VIT: variants seen among roughly 807,000 people sequenced by gnomAD.
VIT encodes vitrin.
A neutral mutation model predicts 78.0 loss-of-function variants in VIT; 99 were observed. That is an observed-to-expected ratio of 1.27 (90% CI 1.08 to 1.50). The LOEUF (loss-of-function observed/expected upper bound fraction) is 1.50, where lower values mean the gene tolerates loss of function less well. Ranked by LOEUF, VIT falls within the 40% of genes most tolerant of loss-of-function variation. The probability of loss-of-function intolerance (pLI) is 0.00; values close to 1 mark genes in which losing one functional copy is unlikely to be tolerated. For synonymous variants in VIT, 374 were observed against 334.3 expected (o/e 1.12, Z -1.29); for missense variants, 1,126 against 875.3 (o/e 1.29, Z -3.61).
chr2:36,735,028 G>C (rs1208190289), intron 3 of VIT, among the ~76,000 whole-genome samples: 2 of 152,126 alleles, frequency 1.3e-5, no homozygotes, highest in South Asian at 2.1e-4. Context: ...GCCGGGCGTG[G>C]TGGCAGGCAC....
At chr2:36,721,126 G>T (rs973877071) in intron 2 of VIT, among the ~76,000 whole-genome samples, 1 of 152,078 alleles carries the variant, frequency 6.6e-6, no homozygotes, top group Admixed American at 6.5e-5. Context: ...AATTTGCTAA[G>T]AGAGTAGAGT....
intron 9 of VIT, among the ~76,000 whole-genome samples, chr2:36,775,905 A>G (rs971157235): frequency 6.6e-6 from 1 of 152,210 alleles, no homozygotes; most frequent in Admixed American, 6.5e-5. Flanking sequence ...GCAGGTAAGA[A>G]CATTTGGAGT....
chr2:36,758,944 C>G, intron 5 of VIT, 25 bp from the exon 6 acceptor site: 1 of 1,539,150 alleles, frequency 6.5e-7, no homozygotes, highest in Non-Finnish European at 9.0e-7. Flanking sequence ...AAATAAATCT[C>G]GTTTTTTTTT....
At chr2:36,774,280 G>C (rs1471691302) in intron 8 of VIT, among the ~76,000 whole-genome samples, 1 of 151,962 alleles carries the variant, frequency 6.6e-6, no homozygotes, top group African/African-American at 2.4e-5. Flanking sequence ...CTCTCTCCCC[G>C]GGAGTTCACC....
chr2:36,756,548 G>A lies in VIT; in HGVS notation c.409+1494G>A, dbSNP rs553613371. On this transcript the variant is annotated intron_variant, in intron 5 of 15. Coordinates refer to ENST00000379242, the MANE Select transcript of VIT (RefSeq NM_053276.4). Reference sequence around the variant, plus strand: ...CTACCGTCCTCCACTGATTAGAGTCGTTAGCAGGACAACAAACAGACCTTT... The same window carrying A: ...CTACCGTCCTCCACTGATTAGAGTCATTAGCAGGACAACAAACAGACCTTT... Among the ~76,000 whole-genome samples the A allele has an allele frequency of 2.6e-5, 4 of 152,302 alleles. No homozygotes were observed. The East Asian group carries it at 7.7e-4, about 29-fold the overall frequency.
At chr2:36,809,592 A>G (rs1270041399) in intron 15 of VIT, among the ~76,000 whole-genome samples, 1 of 151,928 alleles carries the variant, frequency 6.6e-6, no homozygotes, top group African/African-American at 2.4e-5. Context: ...TAATTTTTGT[A>G]TTTTTAGTAG....
At chr2:36,807,636 A>C (rs1456467741) in intron 14 of VIT, among the ~76,000 whole-genome samples, 1 of 152,246 alleles carries the variant, frequency 6.6e-6, no homozygotes, top group Non-Finnish European at 1.5e-5. Context: ...TCTGTGACCC[A>C]GAGGCAGGGG....
At chr2:36,766,159 G>A (rs1436594605) in intron 6 of VIT, among the ~76,000 whole-genome samples, 4 of 152,214 alleles carry the variant, frequency 2.6e-5, no homozygotes, top group Non-Finnish European at 5.9e-5. Flanking sequence ...TTGCTTTATA[G>A]GGAGCCAACT....
intron 1 of VIT, among the ~76,000 whole-genome samples, chr2:36,714,612 T>C (rs1320496036): frequency 6.6e-6 from 1 of 152,170 alleles, no homozygotes; most frequent in African/African-American, 2.4e-5. Context: ...TTGTTTAAAA[T>C]TGCTAGCTCA....
intron 13 of VIT, among the ~76,000 whole-genome samples, chr2:36,802,791 C>G (rs1179493004): frequency 1.3e-5 from 2 of 152,130 alleles, no homozygotes; most frequent in African/African-American, 4.8e-5. Context: ...CTGTATTGTC[C>G]AGAGTTTGGG....
chr2:36,721,498 A>T (rs1666507288), intron 2 of VIT, among the ~76,000 whole-genome samples: 1 of 151,068 alleles, frequency 6.6e-6, no homozygotes, highest in South Asian at 2.1e-4. Context: ...CCTTTACCTC[A>T]TTTTCCACCA....
At chr2:36,733,193 G>T (rs1018288963) in intron 3 of VIT, among the ~76,000 whole-genome samples, 1 of 152,184 alleles carries the variant, frequency 6.6e-6, no homozygotes, top group African/African-American at 2.4e-5. Flanking sequence ...AGGACGTGGG[G>T]TAGCTCACAG....
intron 3 of VIT, among the ~76,000 whole-genome samples, chr2:36,740,358 C>G (rs989333817): frequency 6.6e-6 from 1 of 152,186 alleles, no homozygotes; most frequent in Non-Finnish European, 1.5e-5. Flanking sequence ...TGTAGAGAAA[C>G]AAACCATAGT....
chr2:36,792,854 C>T (rs907494585), intron 12 of VIT, among the ~76,000 whole-genome samples: 2 of 152,116 alleles, frequency 1.3e-5, no homozygotes, highest in African/African-American at 4.8e-5. Flanking sequence ...CTTCTCTAGA[C>T]TTCTTATTTA....
chr2:36,805,790 C>G lies in VIT; in HGVS notation c.1389+126C>G, dbSNP rs1666679195. 7.7e-6 allele frequency: 8 copies of G among 1,034,368 alleles called. No individual in the cohort carries two copies. In the South Asian group the frequency reaches 8.5e-5, roughly 11 times the overall value. The allele number at this position is 1,034,368 out of a possible 1,614,324, so 64.1% of individuals were successfully genotyped here. On this transcript the variant is annotated intron_variant, in intron 14 of 15. Transcript: ENST00000379242. The stretch of plus-strand genomic sequence containing the variant: ...GAAGCTCATCTCTAGGCAGTAAGGC[C>G]TCCAGGGAGGGACTGGTCAATCCGA...
At chr2:36,787,324 G>C in intron 12 of VIT, 48 bp downstream of exon 12, 3 of 1,578,914 alleles carry the variant, frequency 1.9e-6, no homozygotes, top group Non-Finnish European at 2.6e-6. Flanking sequence ...CATGCCATGT[G>C]CTTAATTTTA....
At chr2:36,801,820 A>G (rs900067874) in intron 13 of VIT, among the ~76,000 whole-genome samples, 14 of 151,804 alleles carry the variant, frequency 9.2e-5, no homozygotes, top group Admixed American at 3.3e-4. Context: ...TGCAACATCT[A>G]TATCTTTTCT....
chr2:36,740,328 A>C (rs1667762347), intron 3 of VIT, among the ~76,000 whole-genome samples: 1 of 152,248 alleles, frequency 6.6e-6, no homozygotes, highest in African/African-American at 2.4e-5. Context: ...AGACTACCTC[A>C]CAAATAACTG....
chr2:36,789,214 G>A (rs1381539176), intron 12 of VIT, among the ~76,000 whole-genome samples: 1 of 152,182 alleles, frequency 6.6e-6, no homozygotes, highest in Non-Finnish European at 1.5e-5. Context: ...CTGAATTCGG[G>A]CCTCAGCTCC....
Sources: allele counts gnomAD v4.1 joint callset (sites outside exome capture counted in the v4.1 genomes callset), GRCh38; gene constraint gnomAD v4.1.1; transcripts MANE v1.5; gene names NCBI Gene and HGNC (gene_info 2026-07-23, HGNC 2026-07-21).